COL4A6: variants seen among roughly 807,000 people sequenced by gnomAD.
COL4A6 encodes the protein collagen type IV alpha 6 chain.
In COL4A6, 59 loss-of-function variants were observed where a neutral mutation model predicts 126.7. That is an observed-to-expected ratio of 0.47 (90% confidence interval 0.38 to 0.58). The LOEUF is 0.58. Ranked by LOEUF, COL4A6 falls within the 20% of genes least tolerant of loss-of-function variation. The pLI is 0.00. For synonymous variants in COL4A6, 547 were observed against 496.6 expected (o/e 1.10, Z -1.35); for missense variants, 1,285 against 1,337.3 (o/e 0.96, Z 0.61).
intron 8 of COL4A6, among the ~76,000 whole-genome samples, chrX:108,207,668 G>A (rs754513373): frequency 7.2e-5 from 8 of 111,179 alleles, no homozygotes; most frequent in South Asian, 3.8e-4. Context: ...TGGAACATAC[G>A]CAAATTCTTT....
intron 30 of COL4A6, 114 bp downstream of exon 30, chrX:108,174,976 C>T: frequency 1.0e-6 from 1 of 970,875 alleles, no homozygotes; most frequent in Admixed American, 3.4e-5. Context: ...CACACTGCTG[C>T]TCTGAGGTTG....
intron 23 of COL4A6, among the ~76,000 whole-genome samples, chrX:108,186,726 G>C (rs1363436452): frequency 2.7e-5 from 3 of 110,599 alleles, no homozygotes; most frequent in Admixed American, 9.7e-5. Context: ...ACACAATTTA[G>C]AGGGCACCTT....
At chrX:108,376,670 T>C (rs1189253995) in intron 2 of COL4A6, among the ~76,000 whole-genome samples, 4 of 112,386 alleles carry the variant, frequency 3.6e-5, no homozygotes, top group East Asian at 5.6e-4. Flanking sequence ...ACAAAAAGTA[T>C]AGATTTGCTT....
rs144266813 is a variant in COL4A6 at position 108,401,056 on chromosome X, G to T, written c.63+36886C>A. Among the ~76,000 whole-genome samples, 686 of 111,188 alleles carry T rather than the reference G, an allele frequency of 6.2e-3. 2 individuals carry two copies. Among genetic ancestry groups the T allele is most frequent in the East Asian group, 0.036 (128 of 3,559 alleles). On this transcript the variant is annotated intron_variant, in intron 2 of 44. Transcript: ENST00000334504. ...TTTATTATACCCGATGTATATTGTG[G>T]TGTCTTGTATGCAATACAGATTTCA...
rs934314787 is a variant in COL4A6, at chrX:108,156,311, C to T, written c.*689G>A. ...CTCTGTCTCTGGCTGGAGGGGGAGCCGGCAAGGAGGAGATGGTTTGTCTAG... is the reference window on the plus strand; with the variant it reads ...CTCTGTCTCTGGCTGGAGGGGGAGCTGGCAAGGAGGAGATGGTTTGTCTAG... On this transcript the variant is annotated 3_prime_UTR_variant, in exon 45 of 45. Coordinates refer to ENST00000334504, the MANE Select transcript of COL4A6 (RefSeq NM_033641.4). 11 of 111,622 alleles carry T rather than the reference C, an allele frequency of 9.9e-5. No homozygotes were observed. The highest frequency in any genetic ancestry group is 1.7e-4 in the Non-Finnish European group (9 of 53,166). The allele number at this position is 111,622 out of a possible 1,213,427, so 9.2% of individuals were successfully genotyped here.
chrX:108,204,259 C>A, intron 12 of COL4A6, 61 bp downstream of exon 12: 3 of 874,437 alleles, frequency 3.4e-6, no homozygotes, highest in Non-Finnish European at 4.7e-6. Context: ...GAGTTAAGTT[C>A]TTGTATTATA....
At chrX:108,292,427 GGGGCCGC>G (rs1227812038) in intron 3 of COL4A6, among the ~76,000 whole-genome samples, 1 of 111,989 alleles carries the variant, frequency 8.9e-6, no homozygotes, top group East Asian at 2.8e-4. Flanking sequence ...ATTGCAAAAT[GGGGCCGC>G]CTCTTAGAAA....
chrX:108,221,341 T>C lies in COL4A6; in HGVS notation c.178A>G (p.Thr60Ala). ...GAGCCAGTGAATCCTTGAGGACCTG[T>C]TGGGCCTTGAATTCCAATTGGTCCA... ...RPGPIGIQGP[T>A]GPQGFTGSTG... is the part of the protein sequence containing the mutation. The change falls in exon 4 of 45, where the codon ACA becomes GCA. Residue 60 changes from threonine (T) to alanine (A), a missense_variant. Transcript: ENST00000334504. 1.7e-6 allele frequency: 2 copies of C among 1,211,837 alleles called. No individual in the cohort carries two copies. Among genetic ancestry groups the C allele is most frequent in the Middle Eastern group, 2.3e-4 (1 of 4,328 alleles).
At chrX:108,425,591 G>A (rs749164131) in intron 2 of COL4A6, among the ~76,000 whole-genome samples, 6 of 109,081 alleles carry the variant, frequency 5.5e-5, no homozygotes, top group Admixed American at 9.9e-5. Flanking sequence ...AAAATTAGCC[G>A]GGCATGGTGA....
At chrX:108,424,032 T>C (rs1222516263) in intron 2 of COL4A6, among the ~76,000 whole-genome samples, 2 of 111,428 alleles carry the variant, frequency 1.8e-5, no homozygotes, top group Admixed American at 1.9e-4. Context: ...TCCTGTGCTC[T>C]AGCTCTTCTC....
chrX:108,283,578 GTT>G (rs765019598), intron 3 of COL4A6, among the ~76,000 whole-genome samples: 351 of 98,940 alleles, frequency 3.5e-3, no homozygotes, highest in African/African-American at 0.011. Flanking sequence ...ATCCCCCTAA[GTT>G]TTTTTTTTGG....
intron 3 of COL4A6, among the ~76,000 whole-genome samples, chrX:108,293,103 T>G (rs763276926): frequency 9.5e-6 from 1 of 105,238 alleles, no homozygotes; most frequent in Non-Finnish European, 1.9e-5. Flanking sequence ...TGCCCAAGTC[T>G]CCAAGCCTTT....
chrX:108,384,053 A>G, intron 2 of COL4A6: 2 of 457,845 alleles, frequency 4.4e-6, no homozygotes, highest in Non-Finnish European at 6.7e-6. Flanking sequence ...TTACCTGTCT[A>G]TGCATTCATT....
At chrX:108,397,794 A>G (rs1319244480) in intron 2 of COL4A6, among the ~76,000 whole-genome samples, 1 of 111,809 alleles carries the variant, frequency 8.9e-6, no homozygotes, top group African/African-American at 3.2e-5. Context: ...AGTGTTGTCC[A>G]CCCTCAGTGC....
At chrX:108,361,638 C>T (rs1460579892) in intron 2 of COL4A6, among the ~76,000 whole-genome samples, 5 of 111,556 alleles carry the variant, frequency 4.5e-5, no homozygotes, top group African/African-American at 1.6e-4. Flanking sequence ...AGTCATAAAA[C>T]GTGGACAGTA....
At chrX:108,254,384 T>G (rs2036937127) in intron 3 of COL4A6, among the ~76,000 whole-genome samples, 1 of 111,711 alleles carries the variant, frequency 9.0e-6, no homozygotes, top group African/African-American at 3.2e-5. Context: ...CACACTTAAT[T>G]TAAGAGAAAT....
chrX:108,430,053 A>G (rs934591216), intron 2 of COL4A6, among the ~76,000 whole-genome samples: 2 of 111,800 alleles, frequency 1.8e-5, no homozygotes, highest in Non-Finnish European at 3.8e-5. Context: ...TTACCACCAC[A>G]TGGATGTGCT....
intron 2 of COL4A6, among the ~76,000 whole-genome samples, chrX:108,402,390 TTTTTTCCTTGCCAGAGG>T (rs2041107518): frequency 9.0e-6 from 1 of 111,391 alleles, no homozygotes; most frequent in Non-Finnish European, 1.9e-5. Context: ...ATTTGCGACA[TTTTTTCCTTGCCAGAGG>T]TTTTTCAGTT....
chrX:108,234,714 C>G (rs1262081721), intron 3 of COL4A6, among the ~76,000 whole-genome samples: 1 of 111,642 alleles, frequency 9.0e-6, no homozygotes, highest in African/African-American at 3.3e-5. Flanking sequence ...GATTCTCAAC[C>G]CAAGGACTGT....
Sources: allele counts gnomAD v4.1 joint callset (sites outside exome capture counted in the v4.1 genomes callset), GRCh38; gene constraint gnomAD v4.1.1; transcripts MANE v1.5; gene names NCBI Gene and HGNC (gene_info 2026-07-23, HGNC 2026-07-21).